Variants in CWH43 observed in about 807,000 individuals in gnomAD.
CWH43 encodes cell wall biogenesis 43 C-terminal homolog.
A neutral mutation model predicts 85.7 loss-of-function variants in CWH43; 91 were observed. The ratio of observed to expected loss-of-function variants is 1.06; its 90% CI spans 0.90 to 1.26. The LOEUF is 1.26. CWH43 is among the 50% of genes most tolerant of loss of function. The pLI is 0.00. For synonymous variants in CWH43, 323 were observed against 293.6 expected, an observed-to-expected ratio of 1.10 and a Z score of -1.02; for missense variants, 869 against 839.2, an observed-to-expected ratio of 1.04 and a Z score of -0.44.
intron 6 of CWH43, among the ~76,000 whole-genome samples, chr4:49,000,330 C>T (rs1782952291): frequency 6.6e-6 from 1 of 152,190 alleles, no homozygotes; most frequent in South Asian, 2.1e-4. Context: ...AGGTCCTCTT[C>T]CTCCTGGAGC....
At chr4:48,986,746 C>T (rs1782507609) in intron 1 of CWH43, 1 of 1,295,352 alleles carries the variant, frequency 7.7e-7, no homozygotes, top group African/African-American at 1.5e-5. Flanking sequence ...GCCCAAGGAG[C>T]GCGAATTCTC....
In CWH43 at chr4:49,032,605, G is replaced by C; in HGVS notation, c.1548G>C (p.Glu516Asp). The change falls in exon 12 of 16, where the codon GAG (glutamate) becomes GAC (aspartate). Residue 516 changes from glutamate to aspartate, a missense_variant. Physicochemically the swap from Glu to Asp is conservative, Grantham distance 45. Coordinates refer to ENST00000226432, the MANE Select transcript of CWH43 (RefSeq NM_025087.3). ...CAAGATACCCAATTGTGAAATCTGAGCATCACCTTCTTCCGTCACCAGAGG... is the reference window on the plus strand; with the variant it reads ...CAAGATACCCAATTGTGAAATCTGACCATCACCTTCTTCCGTCACCAGAGG... ...ALSRYPIVKS[E>D]HHLLPSPEGE... 2.5e-6 allele frequency: 4 copies of C among 1,614,008 alleles called. No individual in the cohort carries two copies. The highest frequency in any genetic ancestry group is 3.4e-6 in the Non-Finnish European group (4 of 1,179,948).
chr4:49,061,897 T>G lies in CWH43; in HGVS notation c.*7T>G, dbSNP rs1785173128. Reference sequence around the variant, plus strand: ...TCCCAAATACTTTTTATGAAACATTTAAAACAAGAAGTTATTGGCTGGGAA... The same window carrying G: ...TCCCAAATACTTTTTATGAAACATTGAAAACAAGAAGTTATTGGCTGGGAA... On this transcript the variant is annotated 3_prime_UTR_variant, in exon 16 of 16. Coordinates refer to ENST00000226432, the MANE Select transcript of CWH43 (RefSeq NM_025087.3). 1 of 1,353,268 alleles carries G rather than the reference T, an allele frequency of 7.4e-7. No individual in the cohort carries two copies. 83.8% of individuals were successfully genotyped at this position (1,353,268 alleles called of 1,614,324 possible).
chr4:49,018,427 G>T (rs1046408621), intron 9 of CWH43, among the ~76,000 whole-genome samples: 4 of 152,112 alleles, frequency 2.6e-5, no homozygotes, highest in African/African-American at 4.8e-5. Context: ...GTACTTCTTG[G>T]TAGATATTGC....
intron 15 of CWH43, 59 bp from the exon 16 acceptor site, chr4:49,061,753 T>C: frequency 8.2e-7 from 1 of 1,217,006 alleles, no homozygotes; most frequent in Non-Finnish European, 1.1e-6. Flanking sequence ...CATAAGAACA[T>C]ACCTTTCTGA....
intron 8 of CWH43, among the ~76,000 whole-genome samples, chr4:49,016,176 C>T (rs373130676): frequency 1.1e-4 from 16 of 152,220 alleles, no homozygotes; most frequent in South Asian, 4.2e-4. Flanking sequence ...GAAAATTAAC[C>T]GAAGAACTAC....
intron 9 of CWH43, among the ~76,000 whole-genome samples, chr4:49,019,762 CAG>C (rs1302146121): frequency 6.6e-6 from 1 of 151,606 alleles, no homozygotes; most frequent in African/African-American, 2.4e-5. Context: ...GTATTTTTAG[CAG>C]AGACAGGATT....
In CWH43 at chr4:48,992,122, C is replaced by T. The variant is rs753065881; in HGVS notation, c.511+32C>T. ...CTGTAACTTAGGAATTTTCTCTTTGCAGAGCTTACCTTTCCTATGTGAATG... is the reference window on the plus strand; with the variant it reads ...CTGTAACTTAGGAATTTTCTCTTTGTAGAGCTTACCTTTCCTATGTGAATG... On this transcript the variant is annotated intron_variant, in intron 4 of 15. Coordinates refer to ENST00000226432, the MANE Select transcript of CWH43 (RefSeq NM_025087.3). The surrounding 1 kb of genome is among the most constrained non-coding windows in gnomAD (Gnocchi z 4.3). 1.3e-6 allele frequency: 2 copies of T among 1,559,142 alleles called. No homozygotes were observed. Among genetic ancestry groups the T allele is most frequent in the Non-Finnish European group, 1.8e-6 (2 of 1,136,512 alleles).
intron 6 of CWH43, 180 bp from the exon 7 acceptor site, chr4:49,003,554 CA>C: frequency 1.7e-6 from 1 of 602,378 alleles, no homozygotes; most frequent in African/African-American, 1.8e-5. Flanking sequence ...CCAGTTGAGA[CA>C]ATAACTGGCT....
intron 12 of CWH43, among the ~76,000 whole-genome samples, chr4:49,034,339 C>T (rs1408467278): frequency 6.6e-6 from 1 of 152,080 alleles, no homozygotes; most frequent in East Asian, 1.9e-4. Flanking sequence ...ACCTAAGAAA[C>T]AGTTTAACTC....
Position 49,007,221 on chromosome 4 carries a change from G to A in CWH43, c.1081G>A (p.Gly361Arg), listed in dbSNP as rs141315226. The A allele has an allele frequency of 3.9e-5, 63 of 1,608,908 alleles. No homozygotes were observed. The highest frequency in any genetic ancestry group is 5.6e-5 in the South Asian group (5 of 89,752). Residue 361 changes from glycine (G) to arginine (R), a missense_variant, in exon 8 of 16, where the codon GGG becomes AGG. By Grantham distance (125) the Gly-to-Arg change is moderately radical. Coordinates refer to ENST00000226432, the MANE Select transcript of CWH43 (RefSeq NM_025087.3). The part of the protein sequence containing the change: ...VLLGTMMLII[G>R]LNMLFGPKKN... ...AACAGGGACAATGATGTTAATTATCGGGCTGAATATGCTATTTGGTCCTAA... is the reference window on the plus strand; with the variant it reads ...AACAGGGACAATGATGTTAATTATCAGGCTGAATATGCTATTTGGTCCTAA...
At chr4:49,040,603 T>C (rs1784428612) in intron 13 of CWH43, among the ~76,000 whole-genome samples, 1 of 152,216 alleles carries the variant, frequency 6.6e-6, no homozygotes, top group African/African-American at 2.4e-5. Flanking sequence ...TGTTTTTTTC[T>C]TGTAAATTTG....
chr4:48,994,595 C>T, intron 4 of CWH43, 24 bp from the exon 5 acceptor site: 1 of 1,588,052 alleles, frequency 6.3e-7, no homozygotes, highest in South Asian at 1.1e-5. Flanking sequence ...AAACTTTTTC[C>T]ATATATGTAT....
At chr4:48,986,966 C>A (rs1782515621) in intron 1 of CWH43, among the ~76,000 whole-genome samples, 1 of 152,204 alleles carries the variant, frequency 6.6e-6, no homozygotes, top group Non-Finnish European at 1.5e-5. Flanking sequence ...GTCGGCTGCA[C>A]ACTTGGGCAT....
intron 8 of CWH43, among the ~76,000 whole-genome samples, chr4:49,008,105 C>A (rs1005826205): frequency 1.3e-5 from 2 of 152,162 alleles, no homozygotes; most frequent in Non-Finnish European, 2.9e-5. Flanking sequence ...AAAAGCGTTC[C>A]TATTTCTCCA....
At chr4:48,986,694 G>A in intron 1 of CWH43, 3 of 1,342,914 alleles carry the variant, frequency 2.2e-6, no homozygotes, top group Non-Finnish European at 2.9e-6. Context: ...AGGCGCCCGC[G>A]AGAGACCCCG....
At position 48,992,137 on chromosome 4, in the gene CWH43, C is replaced by T. The variant is rs1240665599; in HGVS notation, c.511+47C>T. On this transcript the variant is annotated intron_variant, in intron 4 of 15. Coordinates refer to ENST00000226432, the MANE Select transcript of CWH43 (RefSeq NM_025087.3). This position sits in a 1 kb window ranked among gnomAD's most constrained non-coding sequence, Gnocchi z 4.3. ...TTTCTCTTTGCAGAGCTTACCTTTCCTATGTGAATGTTGCACATCTTGGAA... is the reference window on the plus strand; with the variant it reads ...TTTCTCTTTGCAGAGCTTACCTTTCTTATGTGAATGTTGCACATCTTGGAA... 2.7e-6 allele frequency: 4 copies of T among 1,476,114 alleles called. No individual in the cohort carries two copies. Among genetic ancestry groups the T allele is most frequent in the South Asian group, 1.2e-5 (1 of 81,942 alleles). The allele number at this position is 1,476,114 out of a possible 1,614,324, so 91.4% of individuals were successfully genotyped here.
chr4:48,986,981 C>A (rs1782515962), intron 1 of CWH43, among the ~76,000 whole-genome samples: 1 of 152,134 alleles, frequency 6.6e-6, no homozygotes, highest in African/African-American at 2.4e-5. Flanking sequence ...GGGCATTTGG[C>A]GAAAAGCATC....
intron 12 of CWH43, among the ~76,000 whole-genome samples, chr4:49,035,160 C>T (rs949588016): frequency 6.6e-6 from 1 of 152,092 alleles, no homozygotes; most frequent in Non-Finnish European, 1.5e-5. Context: ...TTCTACAGTA[C>T]TAGATACACA....
Sources: gnomAD v4.1 joint callset for allele counts (sites outside exome capture counted in the v4.1 genomes callset) on GRCh38, gnomAD v4.1.1 for gene constraint, Gnocchi (gnomAD v3.1) non-coding constraint, MANE v1.5 for transcripts, NCBI Gene and HGNC (gene_info 2026-07-23, HGNC 2026-07-21) for gene names.